Variants in NLRP1 observed in about 807,000 individuals in gnomAD.
The protein encoded by NLRP1 is NLR family pyrin domain containing 1.
NLRP1 carries 94 observed loss-of-function variants against 136.7 expected under a neutral mutation model. The observed-to-expected ratio is 0.69, with a 90% CI of 0.58 to 0.82. NLRP1 has a LOEUF of 0.82. NLRP1 is among the 40% of genes least tolerant of loss of function. The pLI, the probability that NLRP1 is intolerant of heterozygous loss-of-function variation, is 0.00. For synonymous variants in NLRP1, 690 were observed against 725.1 expected, an observed-to-expected ratio of 0.95 and a Z score of 0.78; for missense variants, 1,575 against 1,802.7, an observed-to-expected ratio of 0.87 and a Z score of 2.29.
At position 5,555,351 on chromosome 17, in the gene NLRP1, G is replaced by GT. The variant is rs954624981; in HGVS notation, c.2358-1796dup. 1.4e-4 allele frequency among the ~76,000 whole-genome samples: 21 copies of GT among 151,822 alleles called. No individual in the cohort carries two copies. In the East Asian group the frequency reaches 1.6e-3, roughly 11 times the overall value. On this transcript the variant is annotated intron_variant, in intron 4 of 16. Transcript: ENST00000572272. Reference sequence around the variant, plus strand: ...CCACCCTTTCTTCCTGAACTTTCTTGTTTTTTTTATAGTAGCTTCCTTATT... The same window carrying GT: ...CCACCCTTTCTTCCTGAACTTTCTTGTTTTTTTTTATAGTAGCTTCCTTATT...
At chr17:5,571,875 G>A (rs994777113) in intron 3 of NLRP1, among the ~76,000 whole-genome samples, 1 of 152,006 alleles carries the variant, frequency 6.6e-6, no homozygotes, top group African/African-American at 2.4e-5. Context: ...TAACCAAAAC[G>A]GCATGCTACT....
At position 5,519,529 on chromosome 17, in the gene NLRP1, C is replaced by A. The variant is rs147513374; in HGVS notation, c.3915+1352G>T. ...GGGGGTGATCTTGGCTCACTGCAAC[C>A]TCTGCCTCCCGGGTTCAAGCAATTC... On this transcript the variant is annotated intron_variant, in intron 14 of 16. Transcript: ENST00000572272. Among the ~76,000 whole-genome samples, 898 of 151,486 alleles carry A rather than the reference C, an allele frequency of 5.9e-3. 8 individuals carry two copies. The highest frequency in any genetic ancestry group is 9.2e-3 in the Non-Finnish European group (624 of 67,908).
chr17:5,551,920 T>G (rs952559457), intron 5 of NLRP1, among the ~76,000 whole-genome samples: 7 of 151,950 alleles, frequency 4.6e-5, no homozygotes, highest in African/African-American at 1.7e-4. Context: ...CAGGCACACA[T>G]CATCATTCTC....
chr17:5,502,055 G>A, intron 15 of NLRP1: 2 of 590,010 alleles, frequency 3.4e-6, no homozygotes, highest in Non-Finnish European at 6.2e-6. Flanking sequence ...GCTGTAACCA[G>A]GGTGCTGTTC....
rs1439549129 is a variant in NLRP1, at chr17:5,520,978, A to G, written c.3818T>C (p.Val1273Ala). 6.2e-7 allele frequency: 1 copy of G among 1,611,818 alleles called. No homozygotes were observed. Among genetic ancestry groups the G allele is most frequent in the Non-Finnish European group, 8.5e-7 (1 of 1,178,948 alleles). Residue 1273 changes from valine to alanine, a missense_variant, in exon 14 of 17, where the codon GTG (valine) becomes GCG (alanine). By Grantham distance (64) the Val-to-Ala change is moderately conservative. Transcript: ENST00000572272. The part of the protein sequence containing the change: ...IDDLEMKFQF[V>A]RIHKPPPLTP... ...CAGCGGGGGTGGCTTGTGGATTCGC[A>G]CAAACTGGAATTTCATTTCTAGATC...
At chr17:5,507,063 G>A (rs1211511963) in intron 15 of NLRP1, among the ~76,000 whole-genome samples, 14 of 152,270 alleles carry the variant, frequency 9.2e-5, no homozygotes, top group Non-Finnish European at 1.9e-4. Context: ...GAGACAGAAA[G>A]TAGAATAGTG....
At chr17:5,555,017 T>TCTCACA (rs1028827154) in intron 4 of NLRP1, among the ~76,000 whole-genome samples, 15 of 142,442 alleles carry the variant, frequency 1.1e-4, no homozygotes, top group African/African-American at 3.2e-4. Context: ...TGAGATCCCA[T>TCTCACA]CACACACACA....
chr17:5,515,948 C>T (rs1908050822), intron 15 of NLRP1, among the ~76,000 whole-genome samples: 1 of 152,174 alleles, frequency 6.6e-6, no homozygotes, highest in Admixed American at 6.5e-5. Flanking sequence ...TGGCACCAAC[C>T]AAAGGTGTAC....
chr17:5,541,777 T>G lies in NLRP1; in HGVS notation c.2699+80A>C. ...CACTCCCACAAAGCAGGTCTCACCT[T>G]CTCTCTGCTCTTACCCTCTGCCTGC... On this transcript the variant is annotated intron_variant, in intron 6 of 16. Transcript: ENST00000572272. The surrounding 1 kb of genome is among the most constrained non-coding windows in gnomAD (Gnocchi z 4.2). 4.2e-6 allele frequency: 6 copies of G among 1,437,516 alleles called. 1 individual carries two copies. The highest frequency in any genetic ancestry group is 5.8e-6 in the Non-Finnish European group (6 of 1,034,954). 89.0% of individuals were successfully genotyped at this position (1,437,516 alleles called of 1,614,324 possible). A position where few individuals can be genotyped will look rare whatever the true frequency, so the allele number is the denominator to read the frequency against.
intron 8 of NLRP1, among the ~76,000 whole-genome samples, 166 bp from the exon 9 acceptor site, chr17:5,534,154 G>A (rs1910726167): frequency 1.3e-5 from 2 of 152,070 alleles, no homozygotes; most frequent in South Asian, 4.1e-4. Context: ...TTAAGCTCAG[G>A]AGTTCGAGAC....
At chr17:5,558,056 G>C (rs1914282663) in intron 4 of NLRP1, among the ~76,000 whole-genome samples, 1 of 152,112 alleles carries the variant, frequency 6.6e-6, no homozygotes, top group South Asian at 2.1e-4. Flanking sequence ...CAGGAGAGAA[G>C]ATGGACGGTC....
chr17:5,524,085 G>A (rs1164330455), intron 12 of NLRP1, among the ~76,000 whole-genome samples: 1 of 152,162 alleles, frequency 6.6e-6, no homozygotes, highest in East Asian at 1.9e-4. Flanking sequence ...CACTGCGCCT[G>A]GCTTTTTAGT....
intron 11 of NLRP1, among the ~76,000 whole-genome samples, chr17:5,531,945 T>G (rs1284607923): frequency 2.0e-5 from 3 of 152,130 alleles, no homozygotes; most frequent in Non-Finnish European, 2.9e-5. Flanking sequence ...TGGATCCTGA[T>G]AAGAACACAC....
At chr17:5,505,836 A>T (rs143723447) in intron 15 of NLRP1, 1 of 152,422 alleles carries the variant, frequency 6.6e-6, no homozygotes, top group African/African-American at 2.4e-5. Flanking sequence ...TCCAGGGCCT[A>T]GCAGAGCTCA....
chr17:5,525,522 A>T (rs1909422847), intron 12 of NLRP1, among the ~76,000 whole-genome samples: 1 of 152,028 alleles, frequency 6.6e-6, no homozygotes, highest in Admixed American at 6.6e-5. Context: ...CTTCCTGCTG[A>T]GTGTGTGTGG....
At chr17:5,581,821 C>T in intron 3 of NLRP1, 38 bp downstream of exon 3, 1 of 1,553,002 alleles carries the variant, frequency 6.4e-7, no homozygotes, top group African/African-American at 1.4e-5. Flanking sequence ...TTGCCTCTCC[C>T]ACCTCACCAC....
At chr17:5,582,577 G>A (rs1199520139) in intron 2 of NLRP1, 93 bp downstream of exon 2, 3 of 1,221,964 alleles carry the variant, frequency 2.5e-6, no homozygotes. Context: ...CCCCATGTCA[G>A]GTCCCCATGC....
In NLRP1 at chr17:5,544,887, G is replaced by T. The variant is rs1432413929; in HGVS notation, c.2529-2860C>A. Among the ~76,000 whole-genome samples, 6 of 152,094 alleles carry T rather than the reference G, an allele frequency of 3.9e-5. No individual in the cohort carries two copies. The East Asian group carries it at 1.2e-3, about 29-fold the overall frequency. On this transcript the variant is annotated intron_variant, in intron 5 of 16. Transcript: ENST00000572272. ...CCTCAGAGGAGGGTGTTGGGTTTGG[G>T]TCTGGAGCTGCAGATGCAGGGTTGG... is the stretch of plus-strand genomic sequence containing the variant.
downstream of NLRP1, among the ~76,000 whole-genome samples, chr17:5,511,822 CTT>C (rs200276566): frequency 5.7e-4 from 54 of 94,826 alleles, no homozygotes; most frequent in African/African-American, 2.0e-3. Context: ...CTTCCTTCCT[CTT>C]TTTCTTCATT....
Sources: gnomAD v4.1 joint callset for allele counts (sites outside exome capture counted in the v4.1 genomes callset) on GRCh38, gnomAD v4.1.1 for gene constraint, Gnocchi (gnomAD v3.1) non-coding constraint, MANE v1.5 for transcripts, NCBI Gene and HGNC (gene_info 2026-07-23, HGNC 2026-07-21) for gene names.